The following CD163 variants were observed in gnomAD, a reference collection of about 807,000 sequenced individuals.
The protein encoded by CD163 is CD163 molecule, also known as scavenger receptor cysteine-rich type 1 protein M130.
CD163 carries 64 observed loss-of-function variants against 129.2 expected under a neutral mutation model. The ratio of observed to expected loss-of-function variants is 0.50; its 90% CI spans 0.41 to 0.61. The LOEUF (loss-of-function observed/expected upper bound fraction) is 0.61, where lower values mean the gene tolerates loss of function less well. Among genes scored for constraint, CD163 ranks in the 20% least tolerant of loss-of-function variants. The pLI is 0.00. For missense variants in CD163, 1,061 were observed against 1,377.9 expected (o/e 0.77, Z 3.64); for synonymous variants, 446 against 478.5 (o/e 0.93, Z 0.89).
intron 6 of CD163, among the ~76,000 whole-genome samples, chr12:7,491,425 T>G (rs1949326181): frequency 6.6e-6 from 1 of 152,062 alleles, no homozygotes; most frequent in South Asian, 2.1e-4. Context: ...TTTAATGGAT[T>G]TTTTTCTGCT....
chr12:7,486,718 T>C lies in CD163; in HGVS notation c.2239A>G (p.Ser747Gly), dbSNP rs1949254727. 2 of 1,614,208 alleles carry C rather than the reference T, an allele frequency of 1.2e-6. No homozygotes were observed. Among genetic ancestry groups the C allele is most frequent in the Non-Finnish European group, 1.7e-6 (2 of 1,180,024 alleles). The change falls in exon 10 of 17, where the codon AGC (serine) becomes GGC (glycine). Residue 747 changes from serine to glycine, a missense_variant. Coordinates refer to ENST00000432237, the MANE Select transcript of CD163 (RefSeq NM_203416.4). ...ACGTGGGCATCACTCAGGTCCCAGC[T>C]GTCATCACAGATGGTGCCCCAGGAG... ...EGSWGTICDD[S>G]WDLSDAHVVC...
chr12:7,497,178 C>T (rs369498328), intron 4 of CD163, 45 bp from the exon 5 acceptor site: 7 of 1,498,284 alleles, frequency 4.7e-6, no homozygotes, highest in South Asian at 4.7e-5. Context: ...GAAGCAAGAA[C>T]ATGAGACTAT....
chr12:7,478,871 T>G (rs1189361024), intron 16 of CD163, among the ~76,000 whole-genome samples: 2 of 152,144 alleles, frequency 1.3e-5, no homozygotes, highest in East Asian at 3.8e-4. Flanking sequence ...TTTCTAGATG[T>G]AGTCTTCCCC....
rs551536077 is a variant in CD163, at chr12:7,475,440, A to G, written c.*32-4043T>C. 3.9e-5 allele frequency among the ~76,000 whole-genome samples: 6 copies of G among 152,362 alleles called. No individual in the cohort carries two copies. In the South Asian group the frequency reaches 1.2e-3, roughly 32 times the overall value. On this transcript the variant is annotated intron_variant, in intron 16 of 16. Transcript: ENST00000432237. The stretch of plus-strand genomic sequence containing the variant: ...GATGTAAGGCTGGTTCAACATATGT[A>G]AATCAATAAACGTAATCCATCATAT...
rs147375106 is a variant in CD163 at position 7,501,246 on chromosome 12, T to C, written c.350A>G (p.His117Arg). 1,427 of 1,614,102 alleles carry C rather than the reference T, an allele frequency of 8.8e-4. 1 individual carries two copies. The highest frequency in any genetic ancestry group is 1.1e-3 in the Non-Finnish European group (1,345 of 1,180,042). Residue 117 changes from histidine to arginine, a missense_variant, in exon 3 of 17, where the codon CAT becomes CGT. Coordinates refer to ENST00000432237, the MANE Select transcript of CD163 (RefSeq NM_203416.4). ...SAGSGRIWMDHVSCRGNESAL... is the reference protein window; with the variant it reads ...SAGSGRIWMDRVSCRGNESAL... ...TGACTCATTCCCACGACAAGAAACA[T>C]GATCCATCCAAATGCGTCCAGAACC...
intron 6 of CD163, 78 bp from the exon 7 acceptor site, chr12:7,488,165 T>G: frequency 1.4e-6 from 2 of 1,432,388 alleles, no homozygotes; most frequent in Non-Finnish European, 1.9e-6. Flanking sequence ...AAGAAGGTGG[T>G]GTGGAGTGGG....
Position 7,502,713 on chromosome 12 carries a change from A to C in CD163, c.47-149T>G, listed in dbSNP as rs1426445362. ...ATTGCAAGGCAGGCAGAAAACATTC[A>C]TACCCAGGCTCATATAGTTTCAGTG... On this transcript the variant is annotated intron_variant, in intron 1 of 16. Coordinates refer to ENST00000432237, the MANE Select transcript of CD163 (RefSeq NM_203416.4). The C allele has an allele frequency of 4.5e-6, 3 of 666,130 alleles. No homozygotes were observed. In the African/African-American group the frequency reaches 5.5e-5, roughly 12 times the overall value. 41.3% of individuals were successfully genotyped at this position (666,130 alleles called of 1,614,324 possible).
At chr12:7,482,786 G>T (rs1232977864) in intron 13 of CD163, 24 bp from the exon 14 acceptor site, 1 of 1,613,146 alleles carries the variant, frequency 6.2e-7, no homozygotes, top group African/African-American at 1.3e-5. Flanking sequence ...AATATCAAGA[G>T]ATATGATCAT....
At chr12:7,472,622 A>C (rs7974714) in intron 16 of CD163, among the ~76,000 whole-genome samples, 150,825 of 152,304 alleles carry the variant, frequency 0.99, 74,703 homozygotes, top group Middle Eastern at 1. Context: ...GAGGAAAAAC[A>C]AGTGCATAAA....
chr12:7,482,045 G>A (rs1949169709), intron 14 of CD163, among the ~76,000 whole-genome samples: 1 of 151,756 alleles, frequency 6.6e-6, no homozygotes, highest in South Asian at 2.1e-4. Flanking sequence ...TCCTATTAAT[G>A]TAAAATGGCT....
At chr12:7,490,452 T>C (rs1457148529) in intron 6 of CD163, among the ~76,000 whole-genome samples, 1 of 152,052 alleles carries the variant, frequency 6.6e-6, no homozygotes, top group Non-Finnish European at 1.5e-5. Context: ...TCAGAGGCAA[T>C]ATAAAGTACT....
intron 6 of CD163, among the ~76,000 whole-genome samples, chr12:7,492,770 T>C (rs1405996388): frequency 1.3e-5 from 2 of 152,074 alleles, no homozygotes; most frequent in Non-Finnish European, 2.9e-5. Flanking sequence ...GTCCTATAAT[T>C]TGGAATTGAA....
chr12:7,499,238 G>T, intron 3 of CD163, 50 bp from the exon 4 acceptor site: 1 of 1,496,000 alleles, frequency 6.7e-7, no homozygotes, highest in Non-Finnish European at 9.0e-7. Flanking sequence ...ATTTAGAAGT[G>T]ATTTTAGAAA....
Position 7,501,457 on chromosome 12 carries a change from T to C in CD163, c.139A>G (p.Thr47Ala), listed in dbSNP as rs1949489029. 2 of 1,612,912 alleles carry C rather than the reference T, an allele frequency of 1.2e-6. No individual in the cohort carries two copies. The highest frequency in any genetic ancestry group is 1.7e-6 in the Non-Finnish European group (2 of 1,179,208). ...TCCACTAGCCTCAGCTCCTTGTCTG[T>C]TCCTCCTGCAACAATGGATTAAGAC... ...ACFVTSSLGG[T>A]DKELRLVDGE... is the part of the protein sequence containing the mutation. Residue 47 changes from threonine (T) to alanine (A), a missense_variant, in exon 3 of 17, where the codon ACA becomes GCA. Coordinates refer to ENST00000432237, the MANE Select transcript of CD163 (RefSeq NM_203416.4).
At chr12:7,500,997 G>A (rs1050366107) in intron 3 of CD163, 142 bp downstream of exon 3, 1 of 692,842 alleles carries the variant, frequency 1.4e-6, no homozygotes. Flanking sequence ...GTGTTTTGTG[G>A]TTTTCTAGCA....
chr12:7,482,655 G>C lies in CD163; in HGVS notation c.3235C>G (p.Gln1079Glu), dbSNP rs758022275. The C allele has an allele frequency of 2.5e-6, 4 of 1,614,122 alleles. No individual in the cohort carries two copies. The East Asian group carries it at 8.9e-5, about 36-fold the overall frequency. ...ATTTGGCTCAAACCTGCAAGCCGCT[G>C]TCTCTGTCTTCGCTTTTTAGTCAAG... ...FFLTKKRRQRQRLAVSSRGEN... is the reference protein window; with the variant it reads ...FFLTKKRRQRERLAVSSRGEN... The change falls in exon 14 of 17, where the codon CAG (glutamine) becomes GAG (glutamate). Residue 1079 changes from glutamine (Q) to glutamate (E), a missense_variant. Physicochemically the swap from Gln to Glu is conservative, Grantham distance 29 (BLOSUM62 2). Coordinates refer to ENST00000432237, the MANE Select transcript of CD163 (RefSeq NM_203416.4).
chr12:7,475,475 A>G (rs949714458), intron 16 of CD163, among the ~76,000 whole-genome samples: 1 of 152,228 alleles, frequency 6.6e-6, no homozygotes, highest in Non-Finnish European at 1.5e-5. Flanking sequence ...TAAACAGAAC[A>G]AATCACAAAA....
intron 3 of CD163, among the ~76,000 whole-genome samples, chr12:7,499,671 G>A (rs1443773436): frequency 1.3e-5 from 2 of 152,116 alleles, no homozygotes; most frequent in Non-Finnish European, 2.9e-5. Flanking sequence ...ATTATGATAA[G>A]AGCCTGCTAA....
rs1949263413 is a variant in CD163 at position 7,487,201 on chromosome 12, C to A, written c.2050+158G>T. Among the ~76,000 whole-genome samples, 1 of 152,108 alleles carries A rather than the reference C, an allele frequency of 6.6e-6. No individual in the cohort carries two copies. Among genetic ancestry groups the A allele is most frequent in the Non-Finnish European group, 1.5e-5 (1 of 68,010 alleles). On this transcript the variant is annotated intron_variant, in intron 8 of 16. Transcript: ENST00000432237. This position sits in a 1 kb window ranked among gnomAD's most constrained non-coding sequence, Gnocchi z 5.1. ...GTCCATCAAAATTAGGTTTGCTCACCCTCTGAAAAGACAAATGAGGTTAAT... is the reference window on the plus strand; with the variant it reads ...GTCCATCAAAATTAGGTTTGCTCACACTCTGAAAAGACAAATGAGGTTAAT...
Sources: gnomAD v4.1 joint callset for allele counts (sites outside exome capture counted in the v4.1 genomes callset) on GRCh38, gnomAD v4.1.1 for gene constraint, Gnocchi (gnomAD v3.1) non-coding constraint, MANE v1.5 for transcripts, NCBI Gene and HGNC (gene_info 2026-07-23, HGNC 2026-07-21) for gene names.